KLHL1: variants seen among roughly 807,000 people sequenced by gnomAD.
KLHL1 encodes kelch-like protein 1.
In KLHL1, 47 loss-of-function variants were observed where a neutral mutation model predicts 77.7. That is an observed-to-expected ratio of 0.60 (90% CI 0.48 to 0.77). KLHL1 has a LOEUF of 0.77. Among genes scored for constraint, KLHL1 ranks in the 30% least tolerant of loss-of-function variants. The pLI is 0.00. For missense variants in KLHL1, 925 were observed against 910.8 expected (o/e 1.02, Z -0.20); for synonymous variants, 360 against 325.2 (o/e 1.11, Z -1.15).
intron 10 of KLHL1, among the ~76,000 whole-genome samples, chr13:69,703,296 C>T (rs577107333): frequency 3.3e-5 from 5 of 151,452 alleles, no homozygotes; most frequent in African/African-American, 9.7e-5. Context: ...TGTAAACAAA[C>T]CTGTTGTACC....
intron 4 of KLHL1, among the ~76,000 whole-genome samples, chr13:69,935,330 C>T (rs574893675): frequency 8.5e-6 from 1 of 118,116 alleles, no homozygotes; most frequent in South Asian, 2.7e-4. Flanking sequence ...AGTAATTAAT[C>T]GTATATATGG....
At chr13:69,808,258 G>A (rs1485422859) in intron 6 of KLHL1, among the ~76,000 whole-genome samples, 3 of 152,034 alleles carry the variant, frequency 2.0e-5, no homozygotes, top group Non-Finnish European at 2.9e-5. Context: ...ATGACTACAG[G>A]CAAACATACC....
At chr13:69,918,209 A>C (rs1343711265) in intron 4 of KLHL1, among the ~76,000 whole-genome samples, 1 of 152,012 alleles carries the variant, frequency 6.6e-6, no homozygotes, top group Non-Finnish European at 1.5e-5. Context: ...GTACTGCTAA[A>C]ATAATTAAAC....
intron 6 of KLHL1, among the ~76,000 whole-genome samples, chr13:69,814,577 G>A (rs1380556323): frequency 6.6e-6 from 1 of 151,944 alleles, no homozygotes; most frequent in Non-Finnish European, 1.5e-5. Flanking sequence ...GTGGGCAAAG[G>A]ACATGAACAG....
At chr13:69,763,840 T>C (rs1004522301) in intron 7 of KLHL1, among the ~76,000 whole-genome samples, 8 of 152,204 alleles carry the variant, frequency 5.3e-5, no homozygotes, top group African/African-American at 1.9e-4. Flanking sequence ...CAGAGCAGTG[T>C]TTTATTTTTC....
chr13:70,050,032 GAATC>G (rs1566532608), intron 1 of KLHL1, among the ~76,000 whole-genome samples: 2 of 151,886 alleles, frequency 1.3e-5, no homozygotes, highest in African/African-American at 4.8e-5. Flanking sequence ...AGAATTAAAA[GAATC>G]AATTTACTGC....
chr13:69,924,000 T>C (rs1882729787), intron 4 of KLHL1, among the ~76,000 whole-genome samples: 1 of 152,182 alleles, frequency 6.6e-6, no homozygotes, highest in Non-Finnish European at 1.5e-5. Context: ...TGGAACACAG[T>C]TGAGGCTAAG....
At chr13:70,019,818 T>C (rs543986153) in intron 1 of KLHL1, among the ~76,000 whole-genome samples, 1 of 152,284 alleles carries the variant, frequency 6.6e-6, no homozygotes. Flanking sequence ...AATTAATGTG[T>C]TGGGAACTTT....
chr13:69,714,329 T>C (rs1411404692), intron 9 of KLHL1, among the ~76,000 whole-genome samples: 1 of 152,116 alleles, frequency 6.6e-6, no homozygotes, highest in African/African-American at 2.4e-5. Context: ...AAGAAAAAGC[T>C]AAACAGCTCT....
chr13:69,875,387 C>A (rs760197343), intron 5 of KLHL1, among the ~76,000 whole-genome samples: 2 of 151,984 alleles, frequency 1.3e-5, no homozygotes, highest in Non-Finnish European at 2.9e-5. Context: ...AAAATTGATA[C>A]AATTGATAAT....
intron 1 of KLHL1, among the ~76,000 whole-genome samples, chr13:70,065,775 A>G (rs921902716): frequency 1.3e-5 from 2 of 152,188 alleles, no homozygotes; most frequent in African/African-American, 4.8e-5. Context: ...CCTTTGTTCA[A>G]TGACACCTGA....
At chr13:69,991,048 A>G (rs879646192) in intron 1 of KLHL1, among the ~76,000 whole-genome samples, 1 of 152,138 alleles carries the variant, frequency 6.6e-6, no homozygotes, top group Non-Finnish European at 1.5e-5. Context: ...GTGCTTCTGA[A>G]AGATTCTTGA....
intron 1 of KLHL1, among the ~76,000 whole-genome samples, chr13:70,089,280 C>T (rs980936473): frequency 3.3e-5 from 5 of 151,928 alleles, no homozygotes; most frequent in African/African-American, 4.8e-5. Context: ...CTGTTGTTGC[C>T]GTCAGTTGTT....
intron 1 of KLHL1, among the ~76,000 whole-genome samples, chr13:70,084,697 G>C (rs1011968217): frequency 7.5e-5 from 10 of 132,890 alleles, no homozygotes; most frequent in African/African-American, 2.6e-4. Context: ...GGATGGTCTA[G>C]ATATCCTGAC....
intron 4 of KLHL1, among the ~76,000 whole-genome samples, chr13:69,921,921 ATTTTTTTT>A (rs1197300551): frequency 8.2e-6 from 1 of 122,642 alleles, no homozygotes; most frequent in African/African-American, 3.1e-5. Flanking sequence ...TGAATGATTG[ATTTTTTTT>A]TTTTTTTTTT....
intron 1 of KLHL1, among the ~76,000 whole-genome samples, chr13:70,098,912 A>G (rs988945912): frequency 6.6e-6 from 1 of 151,754 alleles, no homozygotes; most frequent in African/African-American, 2.4e-5. Context: ...TTTTTAGGAC[A>G]CCTATAGATG....
intron 1 of KLHL1, among the ~76,000 whole-genome samples, chr13:70,028,891 C>T (rs2325266): frequency 2.6e-5 from 4 of 151,280 alleles, no homozygotes; most frequent in African/African-American, 9.7e-5. Flanking sequence ...GTGGGAGGAT[C>T]GCTTGAACCT....
At chr13:69,890,514 G>T (rs1020513058) in intron 4 of KLHL1, among the ~76,000 whole-genome samples, 1 of 151,806 alleles carries the variant, frequency 6.6e-6, no homozygotes, top group Admixed American at 6.6e-5. Context: ...AGCTCTATTA[G>T]AAAATTGTCC....
intron 1 of KLHL1, among the ~76,000 whole-genome samples, chr13:70,005,556 G>A (rs78596256): frequency 0.085 from 12,899 of 151,130 alleles, 623 homozygotes; most frequent in Non-Finnish European, 0.11. Flanking sequence ...TTCCAATGTG[G>A]CCCAGGGTAG....
Sources: gnomAD v4.1 joint callset for allele counts (sites outside exome capture counted in the v4.1 genomes callset) on GRCh38, gnomAD v4.1.1 for gene constraint, MANE v1.5 for transcripts, NCBI Gene and HGNC (gene_info 2026-07-23, HGNC 2026-07-21) for gene names.